The following DST variants were observed in gnomAD, a reference collection of about 807,000 sequenced individuals.
DST encodes the protein bullous pemphigoid antigen.
Under a neutral mutation model 875.2 loss-of-function variants are expected in DST, and 253 were observed. The ratio of observed to expected loss-of-function variants is 0.29; its 90% CI spans 0.26 to 0.32. The LOEUF is 0.32. Among genes scored for constraint, DST ranks in the 10% least tolerant of loss-of-function variants. DST has a pLI of 1.00. For missense variants in DST, 8,287 were observed against 9,111.6 expected (o/e 0.91, Z 3.68); for synonymous variants, 3,124 against 3,197.1 (o/e 0.98, Z 0.77).
At chr6:56,603,520 A>C (rs746022396) in intron 41 of DST, 44 bp downstream of exon 41, 1 of 1,591,796 alleles carries the variant, frequency 6.3e-7, no homozygotes, top group Non-Finnish European at 8.5e-7. Flanking sequence ...CCAGTCATAC[A>C]TCAGCTGACT....
intron 5 of DST, among the ~76,000 whole-genome samples, chr6:56,726,148 C>T (rs1002304505): frequency 2.0e-5 from 3 of 152,126 alleles, no homozygotes; most frequent in African/African-American, 7.2e-5. Flanking sequence ...GTAATTTCTT[C>T]TATATTATAT....
At chr6:56,912,798 A>C (rs1360229597) in intron 2 of DST, among the ~76,000 whole-genome samples, 3 of 152,202 alleles carry the variant, frequency 2.0e-5, no homozygotes, top group Admixed American at 6.5e-5. Flanking sequence ...GTTTCAGTAC[A>C]TCAGACCTGT....
At chr6:56,541,759 G>C (rs1185559198) in intron 61 of DST, among the ~76,000 whole-genome samples, 6 of 152,134 alleles carry the variant, frequency 3.9e-5, no homozygotes. Flanking sequence ...CAGTATAAAT[G>C]CAACTATCCT....
At chr6:56,653,118 A>G (rs1224902383) in intron 10 of DST, among the ~76,000 whole-genome samples, 1 of 152,244 alleles carries the variant, frequency 6.6e-6, no homozygotes, top group African/African-American at 2.4e-5. Flanking sequence ...TTAGCAAAGA[A>G]AGTAAACACT....
At chr6:56,851,701 G>C in intron 3 of DST, 97 bp from the exon 4 acceptor site, 1 of 1,551,430 alleles carries the variant, frequency 6.4e-7, no homozygotes, top group East Asian at 2.4e-5. Flanking sequence ...CGCCCTCCCT[G>C]CCCCCAAACT....
intron 3 of DST, among the ~76,000 whole-genome samples, chr6:56,867,316 C>T (rs1471742435): frequency 6.6e-6 from 1 of 152,170 alleles, no homozygotes; most frequent in East Asian, 1.9e-4. Flanking sequence ...GAGCCTGACT[C>T]ATAGGAAGTG....
At chr6:56,556,463 T>C (rs1179134559) in intron 59 of DST, among the ~76,000 whole-genome samples, 1 of 152,214 alleles carries the variant, frequency 6.6e-6, no homozygotes, top group Non-Finnish European at 1.5e-5. Flanking sequence ...CTTTTATCTA[T>C]ATTTTATTTA....
chr6:56,703,997 CA>C (rs1376535570), intron 6 of DST, among the ~76,000 whole-genome samples: 5 of 151,348 alleles, frequency 3.3e-5, no homozygotes, highest in Admixed American at 6.6e-5. Flanking sequence ...TTCTGCTAAG[CA>C]AAAAAACCCA....
At chr6:56,847,588 C>A (rs1003106050) in intron 4 of DST, among the ~76,000 whole-genome samples, 8 of 152,284 alleles carry the variant, frequency 5.3e-5, no homozygotes, top group Middle Eastern at 3.4e-3. Context: ...ATCTCCCTAC[C>A]TTTGTTCTTG....
chr6:56,514,376 A>G (rs1299277826), intron 72 of DST, among the ~76,000 whole-genome samples: 1 of 152,196 alleles, frequency 6.6e-6, no homozygotes, highest in Admixed American at 6.5e-5. Context: ...ATATTAAATA[A>G]AGTTAAAGTG....
At chr6:56,629,030 T>C (rs919048133) in intron 32 of DST, among the ~76,000 whole-genome samples, 4 of 152,218 alleles carry the variant, frequency 2.6e-5, no homozygotes, top group African/African-American at 9.6e-5. Context: ...ATATAAATGC[T>C]AGAATACATG....
chr6:56,642,334 A>C, intron 16 of DST, 76 bp downstream of exon 16: 1 of 1,074,768 alleles, frequency 9.3e-7, no homozygotes, highest in Admixed American at 1.7e-5. Context: ...ACCAAACATT[A>C]TGTAAAAGTT....
chr6:56,843,720 G>T, intron 4 of DST: 2 of 378,766 alleles, frequency 5.3e-6, no homozygotes, highest in Non-Finnish European at 3.5e-6. Flanking sequence ...GGTGGAGGGT[G>T]GAGGGTGGAG....
chr6:56,584,620 C>T (rs1376740796), intron 49 of DST, among the ~76,000 whole-genome samples: 1 of 151,684 alleles, frequency 6.6e-6, no homozygotes, highest in Admixed American at 6.6e-5. Flanking sequence ...GCCAGAACTT[C>T]CAACACTATG....
chr6:56,600,183 G>A lies in DST; in HGVS notation c.11580C>T (p.Leu3860=), dbSNP rs373220857. The change falls in exon 45 of 104, where the codon CTC becomes CTT. Residue 3860 remains leucine (L), a synonymous_variant. Transcript: ENST00000680361. ...AERQQEYKEK[L]QGICDLLTQT... is the part of the protein sequence containing the mutation. ...GGGTAAGAAGATCACATATCCCTTG[G>A]AGTTTCTCTTTATACTCCTGCTGAC... 1.9e-6 allele frequency: 3 copies of A among 1,612,588 alleles called. No homozygotes were observed. The African/African-American group carries it at 4.0e-5, about 22-fold the overall frequency.
intron 36 of DST, chr6:56,619,667 A>G (rs375414482): frequency 6.2e-6 from 10 of 1,613,862 alleles, no homozygotes; most frequent in African/African-American, 1.3e-5. Flanking sequence ...AGCTTCTTGC[A>G]TGGCTTCTTC....
At chr6:56,520,247 T>C (rs2096670227) in intron 69 of DST, among the ~76,000 whole-genome samples, 1 of 152,040 alleles carries the variant, frequency 6.6e-6, no homozygotes, top group Admixed American at 6.6e-5. Context: ...GAACTGCAGG[T>C]ACCTGTGGAA....
At chr6:56,511,533 G>T (rs896621874) in intron 72 of DST, 133 bp from the exon 73 acceptor site, 17 of 685,384 alleles carry the variant, frequency 2.5e-5, no homozygotes, top group Middle Eastern at 4.0e-4. Context: ...TTTAACACAT[G>T]ATGGCTCATA....
chr6:56,765,666 T>C (rs2099631579), intron 4 of DST, among the ~76,000 whole-genome samples: 1 of 152,222 alleles, frequency 6.6e-6, no homozygotes, highest in African/African-American at 2.4e-5. Flanking sequence ...TGGTGAAGTA[T>C]GAGTTATGAG....
Sources: gnomAD v4.1 joint callset for allele counts (sites outside exome capture counted in the v4.1 genomes callset) on GRCh38, gnomAD v4.1.1 for gene constraint, MANE v1.5 for transcripts, NCBI Gene and HGNC (gene_info 2026-07-23, HGNC 2026-07-21) for gene names.